L3MBTL4: variants seen among roughly 807,000 people sequenced by gnomAD.
L3MBTL4 encodes the protein lethal(3)malignant brain tumor-like protein 4.
Under a neutral mutation model 84.5 loss-of-function variants are expected in L3MBTL4, and 70 were observed. The observed-to-expected ratio is 0.83, with a 90% CI of 0.68 to 1.01. L3MBTL4 has a LOEUF of 1.01. L3MBTL4 is among the 50% of genes least tolerant of loss of function. The pLI, the probability that L3MBTL4 is intolerant of heterozygous loss-of-function variation, is 0.00. For missense variants in L3MBTL4, 715 were observed against 754.8 expected, an observed-to-expected ratio of 0.95 and a Z score of 0.62; for synonymous variants, 274 against 259.8, an observed-to-expected ratio of 1.05 and a Z score of -0.52.
intron 12 of L3MBTL4, among the ~76,000 whole-genome samples, chr18:6,206,458 C>T (rs1884597412): frequency 6.6e-6 from 1 of 152,174 alleles, no homozygotes. Context: ...CAGGATCTCA[C>T]TAGATCTCGC....
chr18:6,030,966 A>C (rs1568005627), intron 16 of L3MBTL4: 1 of 984,948 alleles, frequency 1.0e-6, no homozygotes, highest in African/African-American at 1.7e-5. Context: ...GAACGAACAA[A>C]CAAATTAATT....
chr18:6,188,356 T>A (rs1461682306), intron 12 of L3MBTL4, among the ~76,000 whole-genome samples: 1 of 151,314 alleles, frequency 6.6e-6, no homozygotes, highest in Non-Finnish European at 1.5e-5. Context: ...AATAAATTAA[T>A]AAATACACTG....
At chr18:5,983,671 C>G (rs1488198698) in intron 16 of L3MBTL4, among the ~76,000 whole-genome samples, 1 of 152,134 alleles carries the variant, frequency 6.6e-6, no homozygotes, top group Non-Finnish European at 1.5e-5. Context: ...AGGGAAAACA[C>G]TGAGCACAGG....
chr18:5,996,954 G>C (rs2053999992), intron 16 of L3MBTL4, among the ~76,000 whole-genome samples: 1 of 152,126 alleles, frequency 6.6e-6, no homozygotes, highest in Non-Finnish European at 1.5e-5. Flanking sequence ...TTAAAAGAGA[G>C]GTGGGGAGAC....
chr18:6,263,132 T>C (rs171070), intron 5 of L3MBTL4, among the ~76,000 whole-genome samples: 18,732 of 151,954 alleles, frequency 0.12, 3,767 homozygotes, highest in African/African-American at 0.42. Context: ...TAGCTGGGCA[T>C]GGTGGCACGC....
intron 16 of L3MBTL4, among the ~76,000 whole-genome samples, chr18:6,052,514 A>G (rs572467202): frequency 3.3e-5 from 5 of 152,250 alleles, no homozygotes; most frequent in African/African-American, 9.6e-5. Flanking sequence ...TGCTGGCTAC[A>G]GTGAACAGTG....
chr18:6,145,003 A>G (rs1282701851), intron 13 of L3MBTL4, among the ~76,000 whole-genome samples: 1 of 152,170 alleles, frequency 6.6e-6, no homozygotes, highest in African/African-American at 2.4e-5. Flanking sequence ...ATTAAACTCT[A>G]TGGTTTAATT....
intron 13 of L3MBTL4, among the ~76,000 whole-genome samples, chr18:6,145,758 C>T (rs2098360077): frequency 6.6e-6 from 1 of 152,008 alleles, no homozygotes; most frequent in African/African-American, 2.4e-5. Context: ...TGAGGGTTAT[C>T]CATTCAATTA....
chr18:6,058,452 G>C (rs532153707), intron 16 of L3MBTL4, among the ~76,000 whole-genome samples: 45 of 152,106 alleles, frequency 3.0e-4, no homozygotes, highest in Non-Finnish European at 1.8e-4. Flanking sequence ...TCCCCAAGGA[G>C]ACTATGAATC....
intron 16 of L3MBTL4, among the ~76,000 whole-genome samples, chr18:5,978,905 C>T (rs898735170): frequency 6.6e-6 from 1 of 152,130 alleles, no homozygotes; most frequent in Non-Finnish European, 1.5e-5. Context: ...ACTCCCACAA[C>T]GGGAGGGGCA....
At chr18:6,392,360 C>T (rs1406930337) in intron 1 of L3MBTL4, among the ~76,000 whole-genome samples, 3 of 152,166 alleles carry the variant, frequency 2.0e-5, no homozygotes, top group Admixed American at 6.5e-5. Context: ...ACCAGCCTGG[C>T]CAACATGGCA....
chr18:6,385,369 T>C (rs562126624), intron 1 of L3MBTL4, among the ~76,000 whole-genome samples: 73 of 152,290 alleles, frequency 4.8e-4, no homozygotes, highest in African/African-American at 1.6e-3. Context: ...ACCACTGCAA[T>C]GCAGCCTGGG....
At chr18:6,270,341 T>C (rs986708725) in intron 4 of L3MBTL4, among the ~76,000 whole-genome samples, 4 of 152,172 alleles carry the variant, frequency 2.6e-5, no homozygotes, top group African/African-American at 7.2e-5. Context: ...TTTAAATTCA[T>C]GTAGTGCTCG....
intron 1 of L3MBTL4, among the ~76,000 whole-genome samples, chr18:6,376,604 G>A (rs2054380541): frequency 6.6e-6 from 1 of 152,088 alleles, no homozygotes; most frequent in African/African-American, 2.4e-5. Context: ...TGAGTGTGGT[G>A]GTGTGTACCT....
intron 16 of L3MBTL4, among the ~76,000 whole-genome samples, chr18:6,050,391 C>T (rs564398842): frequency 4.6e-5 from 7 of 152,302 alleles, no homozygotes; most frequent in African/African-American, 1.4e-4. Flanking sequence ...AAACTAGTTA[C>T]ATTCACCATT....
At chr18:6,157,689 C>G (rs571541546) in intron 13 of L3MBTL4, among the ~76,000 whole-genome samples, 1 of 152,192 alleles carries the variant, frequency 6.6e-6, no homozygotes, top group East Asian at 1.9e-4. Context: ...AATAAATTAG[C>G]AATGTTCTCA....
chr18:6,327,769 T>C (rs2051805140), intron 1 of L3MBTL4, among the ~76,000 whole-genome samples: 1 of 152,234 alleles, frequency 6.6e-6, no homozygotes, highest in Non-Finnish European at 1.5e-5. Context: ...TTGTTCATTT[T>C]CTTATTCTCT....
chr18:6,270,295 C>T (rs1251106438), intron 4 of L3MBTL4, among the ~76,000 whole-genome samples: 8 of 152,162 alleles, frequency 5.3e-5, no homozygotes, highest in Admixed American at 2.0e-4. Flanking sequence ...TTTTCACGTG[C>T]GCAGTCAGGC....
In L3MBTL4 at chr18:6,244,588, C is replaced by G. The variant is rs761224851; in HGVS notation, c.220G>C (p.Asp74His). Reference sequence around the variant, plus strand: ...TTTTCATGCTCTGGAAAGGACTGATCCTACAAAATTTCACGACATAACATT... The same window carrying G: ...TTTTCATGCTCTGGAAAGGACTGATGCTACAAAATTTCACGACATAACATT... ...VAAPVELFSK[D>H]QSFPEHENGF... The change falls in exon 6 of 19, where the codon GAT becomes CAT. Residue 74 changes from aspartate to histidine, a missense_variant and splice_region_variant. Asp to His is a moderately conservative substitution (Grantham distance 81). Transcript: ENST00000317931. 5 of 1,605,712 alleles carry G rather than the reference C, an allele frequency of 3.1e-6. No individual in the cohort carries two copies. The Admixed American group carries it at 6.7e-5, about 21-fold the overall frequency.
Sources: allele counts gnomAD v4.1 joint callset (sites outside exome capture counted in the v4.1 genomes callset), GRCh38; gene constraint gnomAD v4.1.1; transcripts MANE v1.5; gene names NCBI Gene and HGNC (gene_info 2026-07-23, HGNC 2026-07-21).